The following NCKAP5 variants were observed in gnomAD, a reference collection of about 807,000 sequenced individuals.
The protein encoded by NCKAP5 is nck-associated protein 5.
Under a neutral mutation model 167.0 loss-of-function variants are expected in NCKAP5, and 92 were observed. The ratio of observed to expected loss-of-function variants is 0.55; its 90% CI spans 0.47 to 0.66. NCKAP5 has a LOEUF of 0.66. Among genes scored for constraint, NCKAP5 ranks in the 30% least tolerant of loss-of-function variants. The pLI is 0.00. For synonymous variants in NCKAP5, 891 were observed against 877.4 expected, an observed-to-expected ratio of 1.02 and a Z score of -0.27; for missense variants, 2,378 against 2,315.0, an observed-to-expected ratio of 1.03 and a Z score of -0.56.
chr2:133,419,030 T>G (rs1689302985), intron 3 of NCKAP5, among the ~76,000 whole-genome samples: 1 of 152,188 alleles, frequency 6.6e-6, no homozygotes, highest in African/African-American at 2.4e-5. Flanking sequence ...AGATTTGCAC[T>G]ACAAGACATG....
At chr2:133,383,787 G>A (rs1686710816) in intron 3 of NCKAP5, among the ~76,000 whole-genome samples, 1 of 152,170 alleles carries the variant, frequency 6.6e-6, no homozygotes, top group South Asian at 2.1e-4. Context: ...TCTCATTGTG[G>A]TTTTGATTTG....
the NCKAP5 span, among the ~76,000 whole-genome samples, chr2:133,586,751 TCA>T: frequency 0.069 from 9,713 of 140,686 alleles, 412 homozygotes; most frequent in East Asian, 0.18. Context: ...GACAGCAATA[TCA>T]CACACACACA....
rs557924582 is a variant in NCKAP5 at position 133,534,514 on chromosome 2, C to T, written c.-61-16927G>A. ...CATCCCCTACCCCTTACCCAGCCCC[C>T]GGCAACCATTCATCTACATTCTGTC... On this transcript the variant is annotated intron_variant, in intron 2 of 19. Transcript: ENST00000409261. Among the ~76,000 whole-genome samples the T allele has an allele frequency of 6.6e-5, 10 of 152,234 alleles. 1 individual carries two copies. The highest frequency in any genetic ancestry group is 2.2e-4 in the African/African-American group (9 of 41,534).
rs189144796 is a variant in NCKAP5 at position 133,000,818 on chromosome 2, T to C, written c.342-6579A>G. On this transcript the variant is annotated intron_variant, in intron 6 of 19. Transcript: ENST00000409261. ...ACCAGCAATCAAAAGGAGTAACTGA[T>C]GTATGCAGCAACATTGAAGAATCTC... is the stretch of plus-strand genomic sequence containing the variant. Among the ~76,000 whole-genome samples the C allele has an allele frequency of 1.3e-3, 205 of 152,300 alleles. 1 individual carries two copies. The highest frequency in any genetic ancestry group is 3.9e-3 in the African/African-American group (164 of 41,572).
chr2:133,374,414 G>A (rs1300341706), intron 3 of NCKAP5, among the ~76,000 whole-genome samples: 3 of 152,208 alleles, frequency 2.0e-5, no homozygotes, highest in African/African-American at 7.2e-5. Flanking sequence ...CTGAATATAT[G>A]TCATTATACA....
chr2:133,077,426 G>A (rs1434695865), intron 6 of NCKAP5, among the ~76,000 whole-genome samples: 2 of 152,142 alleles, frequency 1.3e-5, no homozygotes, highest in Non-Finnish European at 2.9e-5. Flanking sequence ...ACCCTGTTCC[G>A]GTAGCTTAGA....
intron 6 of NCKAP5, among the ~76,000 whole-genome samples, chr2:133,028,804 T>C (rs12478698): frequency 0.28 from 42,640 of 152,014 alleles, 7,390 homozygotes; most frequent in Non-Finnish European, 0.38. Flanking sequence ...GAATTTCTCA[T>C]GGATGGCTTA....
chr2:132,864,782 T>G (rs932134496), intron 10 of NCKAP5, among the ~76,000 whole-genome samples: 23 of 152,230 alleles, frequency 1.5e-4, no homozygotes, highest in Non-Finnish European at 2.9e-4. Context: ...AAAAATGACA[T>G]GATAGTGGTA....
intron 6 of NCKAP5, among the ~76,000 whole-genome samples, chr2:133,092,038 C>G (rs2081202310): frequency 6.6e-6 from 1 of 152,230 alleles, no homozygotes; most frequent in African/African-American, 2.4e-5. Context: ...ACCCCAACCT[C>G]TGACTCAATA....
intron 19 of NCKAP5, among the ~76,000 whole-genome samples, chr2:132,697,023 G>A (rs901492720): frequency 9.8e-6 from 1 of 101,844 alleles, no homozygotes; most frequent in Non-Finnish European, 1.9e-5. Context: ...AAATAGTTGG[G>A]ACTACAGGCA....
At chr2:133,575,948 A>G in the NCKAP5 span, among the ~76,000 whole-genome samples, 1 of 152,212 alleles carries the variant, frequency 6.6e-6, no homozygotes, top group African/African-American at 2.4e-5. Context: ...GACTGTGGTC[A>G]CCTTGATGCA....
chr2:132,999,247 T>C (rs1573687573), intron 6 of NCKAP5, among the ~76,000 whole-genome samples: 1 of 152,336 alleles, frequency 6.6e-6, no homozygotes, highest in East Asian at 1.9e-4. Flanking sequence ...CACTGTTTCC[T>C]CTGGGAGAAG....
At chr2:133,273,809 T>G (rs1218191251) in intron 4 of NCKAP5, among the ~76,000 whole-genome samples, 4 of 151,740 alleles carry the variant, frequency 2.6e-5, no homozygotes, top group South Asian at 2.1e-4. Flanking sequence ...AAAAAAAATT[T>G]GGGGGAAGAT....
intron 8 of NCKAP5, among the ~76,000 whole-genome samples, chr2:132,892,257 T>G (rs1310745883): frequency 6.6e-6 from 1 of 152,328 alleles, no homozygotes; most frequent in East Asian, 1.9e-4. Flanking sequence ...CCTTCTTACT[T>G]CTGCTTCCAG....
At position 132,773,886 on chromosome 2, in the gene NCKAP5, C is replaced by T. The variant is rs746013523; in HGVS notation, c.5058G>A (p.Glu1686=). The T allele has an allele frequency of 1.9e-6, 3 of 1,608,496 alleles. No individual in the cohort carries two copies. In the East Asian group the frequency reaches 6.7e-5, roughly 36 times the overall value. Residue 1686 remains glutamate, a synonymous_variant, in exon 16 of 20, where the codon GAG becomes GAA. Transcript: ENST00000409261. The stretch of plus-strand genomic sequence containing the variant: ...CATCCTCTTGCAAGTTTTCATTTGC[C>T]TCTTTTACCTGCAGGAAGAAGAAAA... ...MEVPKDSLVK[E]ANENLQEDED...
At chr2:133,642,445 G>A in the NCKAP5 span, among the ~76,000 whole-genome samples, 1 of 152,178 alleles carries the variant, frequency 6.6e-6, no homozygotes, top group Non-Finnish European at 1.5e-5. Context: ...CTTGTCTTCA[G>A]AATTTGGCAG....
rs370149366 is a variant in NCKAP5 at position 133,279,362 on chromosome 2, T to A, written c.143+23675A>T. Among the ~76,000 whole-genome samples the A allele has an allele frequency of 2.3e-4, 35 of 152,356 alleles. 1 individual carries two copies. In the East Asian group the frequency reaches 3.7e-3, roughly 16 times the overall value. On this transcript the variant is annotated intron_variant, in intron 4 of 19. Coordinates refer to ENST00000409261, the MANE Select transcript of NCKAP5 (RefSeq NM_207363.3). ...CAGATTTGCAGTCCTTCATTGGGCT[T>A]CTACACCACTCTCTGCATAGAACTG...
At chr2:133,297,447 G>C (rs911208972) in intron 4 of NCKAP5, among the ~76,000 whole-genome samples, 2 of 152,106 alleles carry the variant, frequency 1.3e-5, no homozygotes, top group Non-Finnish European at 2.9e-5. Flanking sequence ...CCCAGAGATA[G>C]ATTATAGGTC....
At chr2:133,587,138 T>C in the NCKAP5 span, among the ~76,000 whole-genome samples, 1 of 152,152 alleles carries the variant, frequency 6.6e-6, no homozygotes, top group Non-Finnish European at 1.5e-5. Flanking sequence ...TGGCACCATT[T>C]TCACTATGAT....
Sources: gnomAD v4.1 joint callset for allele counts (sites outside exome capture counted in the v4.1 genomes callset) on GRCh38, gnomAD v4.1.1 for gene constraint, MANE v1.5 for transcripts, NCBI Gene and HGNC (gene_info 2026-07-23, HGNC 2026-07-21) for gene names.